DOCK9: variants seen among roughly 807,000 people sequenced by gnomAD.
DOCK9 encodes dedicator of cytokinesis protein 9.
In DOCK9, 89 loss-of-function variants were observed where a neutral mutation model predicts 263.3. The observed-to-expected ratio is 0.34, with a 90% CI of 0.28 to 0.40. DOCK9 has a LOEUF of 0.40. Ranked by LOEUF, DOCK9 falls within the 10% of genes least tolerant of loss-of-function variation. The probability of loss-of-function intolerance (pLI) is 1.00; values close to 1 mark genes in which losing one functional copy is unlikely to be tolerated. For synonymous variants in DOCK9, 976 were observed against 973.1 expected (o/e 1.00, Z -0.06); for missense variants, 2,140 against 2,603.4 (o/e 0.82, Z 3.87).
intron 1 of DOCK9, among the ~76,000 whole-genome samples, chr13:99,079,554 C>T (rs1395221838): frequency 2.0e-5 from 3 of 152,222 alleles, no homozygotes; most frequent in Admixed American, 2.0e-4. Context: ...ACTTCACATG[C>T]ATTATCTTAC....
At position 98,921,049 on chromosome 13, in the gene DOCK9, C is replaced by A; in HGVS notation, c.622G>T (p.Asp208Tyr). Residue 208 changes from aspartate to tyrosine, a missense_variant, in exon 7 of 53, where the codon GAT becomes TAT. Physicochemically the swap from Asp to Tyr is radical, Grantham distance 160. Transcript: ENST00000682017. ...RRFFHLIQLG[D>Y]GSYNLNFYKD... The stretch of plus-strand genomic sequence containing the variant: ...TAAAAATTCAAATTATAGGATCCAT[C>A]GCCAAGTTGAATCAGGTGGAAAAAT... The A allele has an allele frequency of 6.2e-7, 1 of 1,601,966 alleles. No homozygotes were observed. Among genetic ancestry groups the A allele is most frequent in the Non-Finnish European group, 8.5e-7 (1 of 1,173,600 alleles).
chr13:98,996,398 C>A (rs776376431), intron 1 of DOCK9, among the ~76,000 whole-genome samples: 5 of 152,312 alleles, frequency 3.3e-5, no homozygotes, highest in African/African-American at 7.2e-5. Context: ...TTATGTTATA[C>A]CTTGTAAGCC....
At chr13:98,958,377 G>A (rs2058294676) in intron 1 of DOCK9, among the ~76,000 whole-genome samples, 1 of 152,202 alleles carries the variant, frequency 6.6e-6, no homozygotes, top group South Asian at 2.1e-4. Flanking sequence ...CTCCAGCTAG[G>A]CCTGAATCTC....
At chr13:98,930,762 A>G (rs1328970833) in intron 2 of DOCK9, among the ~76,000 whole-genome samples, 2 of 152,042 alleles carry the variant, frequency 1.3e-5, no homozygotes, top group African/African-American at 2.4e-5. Flanking sequence ...CTCCTGTCTC[A>G]GCCTCCCGAG....
chr13:98,928,396 T>C (rs959021870), intron 3 of DOCK9, among the ~76,000 whole-genome samples: 4 of 152,188 alleles, frequency 2.6e-5, no homozygotes, highest in African/African-American at 9.7e-5. Context: ...GAAGAGGAAG[T>C]GATGTTCACT....
At position 98,809,438 on chromosome 13, in the gene DOCK9, GCAGCGTGTCATA is replaced by G; in HGVS notation, c.5269_5280del (p.Tyr1757_Leu1760del). 1 of 1,612,228 alleles carries G rather than the reference GCAGCGTGTCATA, an allele frequency of 6.2e-7. No individual in the cohort carries two copies. The highest frequency in any genetic ancestry group is 8.5e-7 in the Non-Finnish European group (1 of 1,179,334). ...TCGGTCACTTTGCTGTAGGCCCGGT[GCAGCGTGTCATA>G]CAGATGGGCCAGCCTCTGGAAAGCA... On this transcript the variant is annotated inframe_deletion, in exon 47 of 53. Transcript: ENST00000682017.
intron 39 of DOCK9, among the ~76,000 whole-genome samples, chr13:98,836,087 C>T (rs1398253662): frequency 6.6e-6 from 1 of 152,112 alleles, no homozygotes; most frequent in Non-Finnish European, 1.5e-5. Context: ...ATTAGAACTG[C>T]AGGCTGTTCA....
intron 5 of DOCK9, 124 bp from the exon 6 acceptor site, chr13:98,922,270 C>T (rs7983462): frequency 0.67 from 409,140 of 610,506 alleles, 139,023 homozygotes; most frequent in Middle Eastern, 0.76. Flanking sequence ...TTTACTGAAG[C>T]ACCCATTGAC....
chr13:99,080,250 C>T (rs1443485635), intron 1 of DOCK9, among the ~76,000 whole-genome samples: 1 of 142,150 alleles, frequency 7.0e-6, no homozygotes, highest in East Asian at 2.3e-4. Flanking sequence ...TCTCATGATA[C>T]CTAAGTGCCT....
intron 45 of DOCK9, among the ~76,000 whole-genome samples, chr13:98,818,120 G>A (rs1373916811): frequency 6.6e-6 from 1 of 152,132 alleles, no homozygotes; most frequent in African/African-American, 2.4e-5. Flanking sequence ...TATTACAAAA[G>A]TAAGTCCACC....
intron 27 of DOCK9, among the ~76,000 whole-genome samples, chr13:98,871,026 T>C (rs1459160211): frequency 6.6e-6 from 1 of 152,072 alleles, no homozygotes; most frequent in Non-Finnish European, 1.5e-5. Context: ...AACCCAACTA[T>C]AGGATGACAT....
At chr13:98,854,205 T>C (rs144724611) in intron 34 of DOCK9, among the ~76,000 whole-genome samples, 2 of 138,544 alleles carry the variant, frequency 1.4e-5, no homozygotes, top group Admixed American at 7.6e-5. Context: ...ATTTTGCCAC[T>C]AGGCAGCAGG....
chr13:98,978,085 A>G (rs1875741752), upstream of DOCK9: 10 of 1,420,856 alleles, frequency 7.0e-6, no homozygotes, highest in Non-Finnish European at 9.1e-6. Flanking sequence ...AAGGCATGAC[A>G]GCAAAGGCCA....
chr13:98,878,447 C>T (rs2142514695), intron 27 of DOCK9, among the ~76,000 whole-genome samples: 1 of 152,368 alleles, frequency 6.6e-6, no homozygotes, highest in Middle Eastern at 3.4e-3. Flanking sequence ...AACCACCAAT[C>T]TATCTTCATC....
At chr13:98,796,220 G>A (rs570409650) in intron 52 of DOCK9, 25 of 1,586,468 alleles carry the variant, frequency 1.6e-5, no homozygotes, top group South Asian at 3.5e-5. Flanking sequence ...CCAGCTGAAC[G>A]TGTTAGCATG....
intron 38 of DOCK9, among the ~76,000 whole-genome samples, chr13:98,840,789 C>A (rs1289933475): frequency 6.6e-6 from 1 of 152,196 alleles, no homozygotes; most frequent in Non-Finnish European, 1.5e-5. Flanking sequence ...CACCTTCACT[C>A]TTTATGCAAC....
At chr13:99,009,521 G>T (rs1567203032) in intron 1 of DOCK9, among the ~76,000 whole-genome samples, 1 of 152,052 alleles carries the variant, frequency 6.6e-6, no homozygotes, top group Non-Finnish European at 1.5e-5. Context: ...AAATGTACAA[G>T]AAAAAGCCAT....
At chr13:99,008,755 A>G (rs1429111963) in intron 1 of DOCK9, among the ~76,000 whole-genome samples, 3 of 152,160 alleles carry the variant, frequency 2.0e-5, no homozygotes, top group Non-Finnish European at 4.4e-5. Flanking sequence ...GGCTTCTTCC[A>G]GTGTCCTCAC....
intron 2 of DOCK9, among the ~76,000 whole-genome samples, chr13:98,952,115 C>G (rs2057505009): frequency 6.6e-6 from 1 of 151,472 alleles, no homozygotes; most frequent in African/African-American, 2.4e-5. Flanking sequence ...CCAGGCTGGT[C>G]TCAAACACCT....
Sources: gnomAD v4.1 joint callset for allele counts (sites outside exome capture counted in the v4.1 genomes callset) on GRCh38, gnomAD v4.1.1 for gene constraint, MANE v1.5 for transcripts, NCBI Gene and HGNC (gene_info 2026-07-23, HGNC 2026-07-21) for gene names.